LRFN2: variants seen among roughly 807,000 people sequenced by gnomAD.
LRFN2 encodes leucine rich repeat and fibronectin type III domain containing 2.
Under a neutral mutation model 37.3 loss-of-function variants are expected in LRFN2, and 18 were observed. The ratio of observed to expected loss-of-function variants is 0.48; its 90% CI spans 0.33 to 0.72. The LOEUF is 0.72. Ranked by LOEUF, LRFN2 falls within the 30% of genes least tolerant of loss-of-function variation. LRFN2 has a pLI of 0.02. For synonymous variants in LRFN2, 556 were observed against 466.6 expected (o/e 1.19, Z -2.47); for missense variants, 1,006 against 1,060.7 (o/e 0.95, Z 0.72).
chr6:40,531,965 G>T (rs1397232370), intron 1 of LRFN2, among the ~76,000 whole-genome samples: 1 of 152,206 alleles, frequency 6.6e-6, no homozygotes, highest in South Asian at 2.1e-4. Context: ...GGAGGCAAGG[G>T]CAATCTCCCG....
chr6:40,578,578 G>T (rs1581803960), intron 1 of LRFN2, among the ~76,000 whole-genome samples: 3 of 152,242 alleles, frequency 2.0e-5, no homozygotes, highest in Admixed American at 2.0e-4. Flanking sequence ...CTTAAGAGAT[G>T]GTTGTTAGAA....
Position 40,431,948 on chromosome 6 carries a change from G to T in LRFN2, c.1166C>A (p.Thr389Asn), listed in dbSNP as rs1368122170. Residue 389 changes from threonine to asparagine, a missense_variant, in exon 2 of 3, where the codon ACT (threonine) becomes AAT (asparagine). Around this residue, in one of 4 missense-constraint regions of LRFN2, gnomAD observed 303 missense variants for 299.8 expected, o/e 1.01. Coordinates refer to ENST00000338305, the MANE Select transcript of LRFN2 (RefSeq NM_020737.3). The stretch of plus-strand genomic sequence containing the variant: ...TGAGAGGCGGGACTTGGGGGGTGCA[G>T]TGCGGCTGGTGCTGTTGCTGAGGTG... ...LPHLSNSTSR[T>N]APPKSRLSDI... 6.2e-7 allele frequency: 1 copy of T among 1,613,432 alleles called. No homozygotes were observed. Among genetic ancestry groups the T allele is most frequent in the Non-Finnish European group, 8.5e-7 (1 of 1,179,992 alleles).
intron 1 of LRFN2, among the ~76,000 whole-genome samples, chr6:40,533,506 T>G (rs1766390023): frequency 6.6e-6 from 1 of 151,890 alleles, no homozygotes; most frequent in Non-Finnish European, 1.5e-5. Context: ...TGACCATTAC[T>G]GGCTATTGAT....
intron 1 of LRFN2, among the ~76,000 whole-genome samples, chr6:40,496,213 T>G (rs1004921510): frequency 2.0e-5 from 3 of 152,164 alleles, no homozygotes; most frequent in African/African-American, 7.2e-5. Flanking sequence ...CCACTACTAC[T>G]GCCTGGTCCA....
At chr6:40,522,496 G>A (rs895288973) in intron 1 of LRFN2, among the ~76,000 whole-genome samples, 1 of 152,176 alleles carries the variant, frequency 6.6e-6, no homozygotes, top group African/African-American at 2.4e-5. Context: ...GAGGCAGAGA[G>A]GTTCCTGTCT....
intron 1 of LRFN2, among the ~76,000 whole-genome samples, chr6:40,531,884 C>T (rs1766350423): frequency 6.6e-6 from 1 of 152,208 alleles, no homozygotes; most frequent in Non-Finnish European, 1.5e-5. Flanking sequence ...ATCAGTGCCA[C>T]TTTCTGTCCA....
At chr6:40,448,951 G>T (rs1263539412) in intron 1 of LRFN2, among the ~76,000 whole-genome samples, 2 of 152,136 alleles carry the variant, frequency 1.3e-5, no homozygotes, top group African/African-American at 4.8e-5. Flanking sequence ...AGGGAAGTCA[G>T]GCTAGGGGCT....
At chr6:40,538,700 T>C (rs1019492141) in intron 1 of LRFN2, among the ~76,000 whole-genome samples, 1 of 152,196 alleles carries the variant, frequency 6.6e-6, no homozygotes, top group Non-Finnish European at 1.5e-5. Context: ...CTCACACGTG[T>C]GTCTGACGCA....
intron 1 of LRFN2, among the ~76,000 whole-genome samples, chr6:40,576,181 G>A (rs1486410279): frequency 6.6e-6 from 1 of 152,158 alleles, no homozygotes; most frequent in Non-Finnish European, 1.5e-5. Flanking sequence ...GCTTTAAAAT[G>A]TATAAAGTGC....
intron 1 of LRFN2, among the ~76,000 whole-genome samples, chr6:40,539,487 C>T (rs1366614942): frequency 6.6e-6 from 1 of 152,208 alleles, no homozygotes; most frequent in African/African-American, 2.4e-5. Context: ...TCAATTCATT[C>T]GTTTATTCAA....
At chr6:40,444,836 G>A (rs1763928202) in intron 1 of LRFN2, among the ~76,000 whole-genome samples, 1 of 151,884 alleles carries the variant, frequency 6.6e-6, no homozygotes. Flanking sequence ...GTCCAAATAG[G>A]GCTTCTTTTT....
At chr6:40,425,618 C>A (rs369077086) in intron 2 of LRFN2, among the ~76,000 whole-genome samples, 2 of 152,210 alleles carry the variant, frequency 1.3e-5, no homozygotes, top group Admixed American at 1.3e-4. Flanking sequence ...TTAGTGCCAG[C>A]CCCTTCCTGA....
intron 1 of LRFN2, among the ~76,000 whole-genome samples, chr6:40,510,094 G>T (rs1765661171): frequency 6.6e-6 from 1 of 150,828 alleles, no homozygotes; most frequent in South Asian, 2.1e-4. Context: ...CGGAACACTG[G>T]GTTGTTCAGA....
In LRFN2 at chr6:40,562,558, G is replaced by C. The variant is rs1767018199; in HGVS notation, c.-19+24383C>G. Among the ~76,000 whole-genome samples, 3 of 152,210 alleles carry C rather than the reference G, an allele frequency of 2.0e-5. No individual in the cohort carries two copies. The South Asian group carries it at 6.2e-4, about 32-fold the overall frequency. On this transcript the variant is annotated intron_variant, in intron 1 of 2. Coordinates refer to ENST00000338305, the MANE Select transcript of LRFN2 (RefSeq NM_020737.3). Reference sequence around the variant, plus strand: ...ACCCAAAAACTGGGCCATTTTGCCAGGATCCTGCAGTTCCATCCAGAAGCA... The same window carrying C: ...ACCCAAAAACTGGGCCATTTTGCCACGATCCTGCAGTTCCATCCAGAAGCA...
At chr6:40,492,728 G>T (rs918161214) in intron 1 of LRFN2, among the ~76,000 whole-genome samples, 12 of 152,078 alleles carry the variant, frequency 7.9e-5, no homozygotes, top group African/African-American at 2.7e-4. Flanking sequence ...CAGGGCAGAG[G>T]CAACAGGCCC....
chr6:40,460,445 G>C (rs1057334202), intron 1 of LRFN2, among the ~76,000 whole-genome samples: 1 of 152,064 alleles, frequency 6.6e-6, no homozygotes, highest in Non-Finnish European at 1.5e-5. Flanking sequence ...GCATAGGAGG[G>C]GCAAATTCTA....
chr6:40,401,757 C>T (rs371365105), intron 2 of LRFN2, among the ~76,000 whole-genome samples: 1 of 151,972 alleles, frequency 6.6e-6, no homozygotes, highest in Non-Finnish European at 1.5e-5. Context: ...CAACAAATAC[C>T]ACCTCTTGTA....
rs1194454884 is a variant in LRFN2 at position 40,435,048 on chromosome 6, TATATAGAGAGAGAGAG to T, written c.-18-1933_-18-1918del. ...ATATATATATATATATATATATATA[TATATAGAGAGAGAGAG>T]AGAGAGAGAGAGAGAGAGAGAGAGA... On this transcript the variant is annotated intron_variant, in intron 1 of 2. Transcript: ENST00000338305. 2.0e-3 allele frequency among the ~76,000 whole-genome samples: 140 copies of T among 71,134 alleles called. 1 individual carries two copies. Among genetic ancestry groups the T allele is most frequent in the African/African-American group, 8.8e-3 (130 of 14,770 alleles). The allele number at this position is 71,134 out of a possible 152,430, so 46.7% of individuals were successfully genotyped here.
Position 40,392,050 on chromosome 6 carries a change from G to C in LRFN2, c.2263C>G (p.Arg755Gly), listed in dbSNP as rs747998035. 2 of 1,614,024 alleles carry C rather than the reference G, an allele frequency of 1.2e-6. No individual in the cohort carries two copies. The highest frequency in any genetic ancestry group is 1.7e-6 in the Non-Finnish European group (2 of 1,179,988). The change falls in exon 3 of 3, where the codon CGC becomes GGC. Residue 755 changes from arginine (R) to glycine (G), a missense_variant. By Grantham distance (125) the Arg-to-Gly change is moderately radical. Coordinates refer to ENST00000338305, the MANE Select transcript of LRFN2 (RefSeq NM_020737.3). This position sits in a 1 kb window ranked among gnomAD's most constrained non-coding sequence, Gnocchi z 4.7. ...AGCATGCCGTTGACAGAGAGGCTGC[G>C]CTTCGTCCAGATGTTCGAGACCTTC... Reference protein sequence around the residue: ...PRKVSNIWTKRSLSVNGMLLP... With the variant: ...PRKVSNIWTKGSLSVNGMLLP...
Sources: gnomAD v4.1 joint callset for allele counts (sites outside exome capture counted in the v4.1 genomes callset) on GRCh38, gnomAD v4.1.1 for gene constraint, gnomAD v4.1.1 regional missense constraint, Gnocchi (gnomAD v3.1) non-coding constraint, MANE v1.5 for transcripts, NCBI Gene and HGNC (gene_info 2026-07-23, HGNC 2026-07-21) for gene names.